Variants in NCAM1 observed in about 807,000 individuals in gnomAD.
The protein encoded by NCAM1 is neural cell adhesion molecule 1.
NCAM1 carries 14 observed loss-of-function variants against 109.8 expected under a neutral mutation model. The observed-to-expected ratio is 0.13, with a 90% CI of 0.08 to 0.20. The LOEUF (loss-of-function observed/expected upper bound fraction) is 0.20. Ranked by LOEUF, NCAM1 falls within the 10% of genes least tolerant of loss-of-function variation. The pLI, the probability that NCAM1 is intolerant of heterozygous loss-of-function variation, is 1.00. For synonymous variants in NCAM1, 418 were observed against 442.9 expected (o/e 0.94, Z 0.70); for missense variants, 774 against 1,109.9 (o/e 0.70, Z 4.30).
intron 1 of NCAM1, chr11:113,041,027 C>T (rs979171438): frequency 6.6e-6 from 1 of 152,080 alleles, no homozygotes. Context: ...AATAGCATGG[C>T]ATAGTTTCCA....
chr11:113,049,252 C>G (rs1006067170), intron 1 of NCAM1, among the ~76,000 whole-genome samples: 6 of 151,434 alleles, frequency 4.0e-5, no homozygotes, highest in African/African-American at 1.5e-4. Flanking sequence ...AATTTCACTT[C>G]AATGAAAAAA....
intron 1 of NCAM1, chr11:113,133,130 C>T (rs1941466224): frequency 6.6e-6 from 1 of 152,218 alleles, no homozygotes; most frequent in African/African-American, 2.4e-5. Context: ...AAGACAAGCT[C>T]AGGAGGGAAG....
chr11:113,055,812 C>G (rs1953676107), intron 1 of NCAM1, among the ~76,000 whole-genome samples: 1 of 151,314 alleles, frequency 6.6e-6, no homozygotes. Flanking sequence ...AATAGAACTA[C>G]CACGTGACTC....
At chr11:113,012,015 T>TTCCTTCCTTCCTTC (rs1555074534) in intron 1 of NCAM1, among the ~76,000 whole-genome samples, 2,464 of 97,402 alleles carry the variant, frequency 0.025, 81 homozygotes, top group East Asian at 0.057. Flanking sequence ...TTCCTTCCTT[T>TTCCTTCCTTCCTTC]CTTTCCTCTT....
chr11:113,006,738 A>G (rs1366236307), intron 1 of NCAM1, among the ~76,000 whole-genome samples: 1 of 152,172 alleles, frequency 6.6e-6, no homozygotes, highest in Non-Finnish European at 1.5e-5. Flanking sequence ...AGACAAACAT[A>G]ATTTTCAAAA....
chr11:113,205,053 TG>T, intron 3 of NCAM1, among the ~76,000 whole-genome samples: 1 of 152,202 alleles, frequency 6.6e-6, no homozygotes, highest in Non-Finnish European at 1.5e-5. Context: ...TGCCATTAAA[TG>T]TGCTTTTTTC....
chr11:112,998,113 C>G (rs1412618289), intron 1 of NCAM1, among the ~76,000 whole-genome samples: 1 of 152,136 alleles, frequency 6.6e-6, no homozygotes, highest in African/African-American at 2.4e-5. Flanking sequence ...GAACTTGAGG[C>G]CCAGAAAGGG....
At chr11:113,015,514 T>C (rs1224700522) in intron 1 of NCAM1, among the ~76,000 whole-genome samples, 1 of 152,110 alleles carries the variant, frequency 6.6e-6, no homozygotes, top group Non-Finnish European at 1.5e-5. Flanking sequence ...GGTGGGTGTG[T>C]CATCTGAAAT....
At chr11:113,050,107 G>A (rs1384729720) in intron 1 of NCAM1, among the ~76,000 whole-genome samples, 7 of 136,360 alleles carry the variant, frequency 5.1e-5, no homozygotes, top group African/African-American at 8.0e-5. Flanking sequence ...TGGTGAGAAC[G>A]CATGGTGTGG....
At chr11:113,272,903 T>C (rs1946313075) in intron 19 of NCAM1, 1 of 456,586 alleles carries the variant, frequency 2.2e-6, no homozygotes, top group Non-Finnish European at 4.4e-6. Context: ...CTTCATTGTC[T>C]ATTCTCTTCT....
At chr11:113,011,183 A>G (rs565933680) in intron 1 of NCAM1, among the ~76,000 whole-genome samples, 1,650 of 134,014 alleles carry the variant, frequency 0.012, 30 homozygotes, top group African/African-American at 0.044. Flanking sequence ...TCATTGTTCA[A>G]TTCCCACCAA....
chr11:113,192,743 C>G (rs1591403111), intron 1 of NCAM1, among the ~76,000 whole-genome samples: 1 of 152,194 alleles, frequency 6.6e-6, no homozygotes, highest in East Asian at 1.9e-4. Flanking sequence ...ACGGCCAACC[C>G]TGTGGCTTTC....
chr11:113,248,087 C>T (rs1945553802), intron 15 of NCAM1, among the ~76,000 whole-genome samples: 2 of 152,146 alleles, frequency 1.3e-5, no homozygotes, highest in South Asian at 4.1e-4. Context: ...ATAAGGTAGA[C>T]ACTAATTCAT....
At chr11:113,225,944 G>C (rs1301841806) in intron 9 of NCAM1, among the ~76,000 whole-genome samples, 2 of 152,170 alleles carry the variant, frequency 1.3e-5, no homozygotes, top group Admixed American at 6.5e-5. Context: ...ACTAAACATG[G>C]AAAGGAACAA....
intron 15 of NCAM1, among the ~76,000 whole-genome samples, chr11:113,255,599 A>G (rs1409998956): frequency 6.9e-5 from 9 of 129,632 alleles, no homozygotes; most frequent in Non-Finnish European, 1.2e-4. Context: ...AGACAGGGGA[A>G]AAAAAAAAAA....
At chr11:113,214,575 C>G (rs1325696283) in intron 8 of NCAM1, 64 bp downstream of exon 8, 1 of 1,512,262 alleles carries the variant, frequency 6.6e-7, no homozygotes, top group Non-Finnish European at 8.9e-7. Flanking sequence ...TGAGTCTGCT[C>G]ATGCCCAGTT....
intron 1 of NCAM1, among the ~76,000 whole-genome samples, chr11:113,120,981 A>C (rs1940928808): frequency 6.6e-6 from 1 of 152,110 alleles, no homozygotes; most frequent in African/African-American, 2.4e-5. Context: ...TGTGATGTTT[A>C]ATTTTCAGTC....
At chr11:113,120,686 C>A (rs1940918128) in intron 1 of NCAM1, among the ~76,000 whole-genome samples, 1 of 152,152 alleles carries the variant, frequency 6.6e-6, no homozygotes, top group Non-Finnish European at 1.5e-5. Flanking sequence ...ACAGCTGACA[C>A]CCTTGTAACA....
intron 1 of NCAM1, among the ~76,000 whole-genome samples, chr11:113,190,295 G>A (rs782052591): frequency 5.3e-5 from 8 of 152,190 alleles, no homozygotes; most frequent in African/African-American, 1.4e-4. Context: ...AAATTACAGC[G>A]TGTGAAGACA....
Sources: gnomAD v4.1 joint callset for allele counts (sites outside exome capture counted in the v4.1 genomes callset) on GRCh38, gnomAD v4.1.1 for gene constraint, MANE v1.5 for transcripts, NCBI Gene and HGNC (gene_info 2026-07-23, HGNC 2026-07-21) for gene names.